The following DCHS2 variants were observed in gnomAD, a reference collection of about 807,000 sequenced individuals.
The protein encoded by DCHS2 is dachsous cadherin-related 2.
In DCHS2, 142 loss-of-function variants were observed where a neutral mutation model predicts 182.4. That is an observed-to-expected ratio of 0.78 (90% CI 0.68 to 0.89). DCHS2 has a LOEUF of 0.89. Among genes scored for constraint, DCHS2 ranks in the 40% least tolerant of loss-of-function variants. The pLI, the probability that DCHS2 is intolerant of heterozygous loss-of-function variation, is 0.00. For synonymous variants in DCHS2, 1,740 were observed against 1,663.3 expected, an observed-to-expected ratio of 1.05 and a Z score of -1.12; for missense variants, 4,319 against 4,198.6, an observed-to-expected ratio of 1.03 and a Z score of -0.79.
intron 3 of DCHS2, among the ~76,000 whole-genome samples, chr4:154,356,943 T>C (rs561669773): frequency 2.6e-5 from 4 of 152,070 alleles, no homozygotes; most frequent in Non-Finnish European, 5.9e-5. Context: ...AGGTCAGAAG[T>C]AGTTGGCTTC....
chr4:154,295,963 TTTTACTAGTGAG>T (rs1410103069), intron 13 of DCHS2, among the ~76,000 whole-genome samples: 11 of 152,338 alleles, frequency 7.2e-5, no homozygotes, highest in African/African-American at 2.6e-4. Context: ...AGTAAATACA[TTTTACTAGTGAG>T]AGTCCTCCCA....
intron 14 of DCHS2, among the ~76,000 whole-genome samples, chr4:154,265,955 T>G (rs1327799010): frequency 6.6e-6 from 1 of 152,148 alleles, no homozygotes; most frequent in Non-Finnish European, 1.5e-5. Context: ...TGCATACCTA[T>G]GATGGAGTTT....
intron 1 of DCHS2, among the ~76,000 whole-genome samples, chr4:154,460,665 G>GA (rs1294421365): frequency 5.3e-5 from 8 of 152,246 alleles, no homozygotes; most frequent in Non-Finnish European, 1.0e-4. Flanking sequence ...GTGGTTGTCA[G>GA]AAACTTGTGC....
At chr4:154,370,244 A>G (rs542826562) in intron 2 of DCHS2, among the ~76,000 whole-genome samples, 2 of 152,164 alleles carry the variant, frequency 1.3e-5, no homozygotes, top group East Asian at 3.9e-4. Context: ...GAGAGGATGA[A>G]TCAGATAAAA....
In DCHS2 at chr4:154,232,576, G is replaced by T. The variant is rs1239452600; in HGVS notation, c.*1960C>A. On this transcript the variant is annotated 3_prime_UTR_variant, in exon 20 of 20. Transcript: ENST00000357232. Reference sequence around the variant, plus strand: ...CCTGTTTAATTAAAAACAACAAAATGTTCTTAGTTTCCAGAAATAATTCTA... The same window carrying T: ...CCTGTTTAATTAAAAACAACAAAATTTTCTTAGTTTCCAGAAATAATTCTA... The T allele has an allele frequency of 6.6e-6, 1 of 152,030 alleles. No individual in the cohort carries two copies. The highest frequency in any genetic ancestry group is 1.5e-5 in the Non-Finnish European group (1 of 67,978). The allele number at this position is 152,030 out of a possible 1,614,324, so 9.4% of individuals were successfully genotyped here.
chr4:154,442,871 C>G (rs1237004635), intron 1 of DCHS2, among the ~76,000 whole-genome samples: 1 of 152,064 alleles, frequency 6.6e-6, no homozygotes, highest in African/African-American at 2.4e-5. Flanking sequence ...CATCCAGAAC[C>G]CTGGTGCCAA....
intron 7 of DCHS2, among the ~76,000 whole-genome samples, chr4:154,326,199 G>A (rs1201700714): frequency 1.3e-5 from 2 of 152,214 alleles, no homozygotes; most frequent in Non-Finnish European, 2.9e-5. Flanking sequence ...ACAACAAGGA[G>A]TCTGGGCATG....
chr4:154,234,740 C>T lies in DCHS2; in HGVS notation c.9912G>A (p.Val3304=). Residue 3304 remains valine (V), a synonymous_variant, in exon 20 of 20, where the codon GTG becomes GTA. Coordinates refer to ENST00000357232, the MANE Select transcript of DCHS2 (RefSeq NM_001358235.2). Reference sequence around the variant, plus strand: ...TGGGAGAGCGTGGGTGTTTCGGAGGCACCTGCCCCAGGTTTACTGCCGGCA... The same window carrying T: ...TGGGAGAGCGTGGGTGTTTCGGAGGTACCTGCCCCAGGTTTACTGCCGGCA... The part of the protein sequence containing the change: ...PRMPAVNLGQ[V]PPKHPRSPIP... 6.2e-7 allele frequency: 1 copy of T among 1,613,632 alleles called. No homozygotes were observed.
intron 1 of DCHS2, among the ~76,000 whole-genome samples, chr4:154,411,471 C>A (rs1312239765): frequency 6.6e-6 from 1 of 152,026 alleles, no homozygotes; most frequent in Non-Finnish European, 1.5e-5. Flanking sequence ...GTGGCGCGTG[C>A]CTGTAGTCCC....
chr4:154,395,709 G>A (rs1401026399), intron 1 of DCHS2, among the ~76,000 whole-genome samples: 2 of 152,184 alleles, frequency 1.3e-5, no homozygotes, highest in Non-Finnish European at 2.9e-5. Flanking sequence ...CCAATGCAAA[G>A]TAGCTATAAG....
Position 154,240,545 on chromosome 4 carries a change from A to G in DCHS2, c.7351T>C (p.Phe2451Leu). The change falls in exon 18 of 20, where the codon TTC becomes CTC. Residue 2451 changes from phenylalanine to leucine, a missense_variant. Phe to Leu is a conservative substitution (Grantham distance 22). Coordinates refer to ENST00000357232, the MANE Select transcript of DCHS2 (RefSeq NM_001358235.2). ...CTCTTTAAGCCCTTTACCTGATAGA[A>G]ATCTTGAGAAAACACTGGTGGATTA... is the stretch of plus-strand genomic sequence containing the variant. ...NDNPPVFSQD[F>L]YQVTVPESIP... is the part of the protein sequence containing the mutation. 1 of 1,613,284 alleles carries G rather than the reference A, an allele frequency of 6.2e-7. No homozygotes were observed. Among genetic ancestry groups the G allele is most frequent in the Non-Finnish European group, 8.5e-7 (1 of 1,179,486 alleles).
rs57893679 is a variant in DCHS2 at position 154,411,823 on chromosome 4, C to T, written c.2053-34379G>A. On this transcript the variant is annotated intron_variant, in intron 1 of 19. Coordinates refer to ENST00000357232, the MANE Select transcript of DCHS2 (RefSeq NM_001358235.2). ...ATACAGTATATGTATCATATAACAT[C>T]ATGCTGTACACCTTACATATACAAA... Among the ~76,000 whole-genome samples, 8 of 152,256 alleles carry T rather than the reference C, an allele frequency of 5.3e-5. No individual in the cohort carries two copies. In the East Asian group the frequency reaches 1.5e-3, roughly 29 times the overall value.
intron 1 of DCHS2, among the ~76,000 whole-genome samples, chr4:154,479,877 T>C (rs1735852974): frequency 6.6e-6 from 1 of 152,156 alleles, no homozygotes; most frequent in East Asian, 1.9e-4. Flanking sequence ...GCATGACAAT[T>C]AGATTCTACA....
At chr4:154,457,474 G>T (rs184376607) in intron 1 of DCHS2, among the ~76,000 whole-genome samples, 1 of 152,232 alleles carries the variant, frequency 6.6e-6, no homozygotes, top group East Asian at 1.9e-4. Context: ...CATCACTATG[G>T]CCTTAATGCT....
chr4:154,291,943 TAA>T (rs1357343550), intron 13 of DCHS2, among the ~76,000 whole-genome samples: 1 of 152,118 alleles, frequency 6.6e-6, no homozygotes, highest in African/African-American at 2.4e-5. Flanking sequence ...TAAAATTAGC[TAA>T]GAGTATAACT....
At chr4:154,457,949 G>A (rs1281485601) in intron 1 of DCHS2, among the ~76,000 whole-genome samples, 1 of 152,178 alleles carries the variant, frequency 6.6e-6, no homozygotes. Flanking sequence ...AATTACATCA[G>A]TATGCCCTCT....
rs1312988755 is a variant in DCHS2, at chr4:154,277,893, T to A, written c.6464-7880A>T. On this transcript the variant is annotated intron_variant, in intron 13 of 19. Coordinates refer to ENST00000357232, the MANE Select transcript of DCHS2 (RefSeq NM_001358235.2). ...CTGTCTCTACCAAAAATAAAAAAAT[T>A]AGCTGGGCATGGTGGCGGGCACCTG... 2.0e-5 allele frequency among the ~76,000 whole-genome samples: 3 copies of A among 151,796 alleles called. No homozygotes were observed. In the East Asian group the frequency reaches 5.8e-4, roughly 29 times the overall value.
At chr4:154,388,369 A>C (rs1731511755) in intron 1 of DCHS2, among the ~76,000 whole-genome samples, 1 of 152,178 alleles carries the variant, frequency 6.6e-6, no homozygotes, top group Non-Finnish European at 1.5e-5. Flanking sequence ...TTATGCAAAA[A>C]AATTCAGTGT....
chr4:154,333,399 G>T lies in DCHS2; in HGVS notation c.2809C>A (p.Pro937Thr), dbSNP rs1163870791. 6.2e-7 allele frequency: 1 copy of T among 1,614,012 alleles called. No individual in the cohort carries two copies. The highest frequency in any genetic ancestry group is 8.5e-7 in the Non-Finnish European group (1 of 1,180,056). ...ACGGGCTGCGTCTCGTGATCCAGGG[G>T]CTTCCGGGTGCGAATAGTGCCCAGC... ...PRLGTIRTRK[P>T]LDHETQPVVV... The change falls in exon 5 of 20, where the codon CCC becomes ACC. Residue 937 changes from proline to threonine, a missense_variant. Physicochemically the swap from Pro to Thr is conservative, Grantham distance 38 (BLOSUM62 -1). Coordinates refer to ENST00000357232, the MANE Select transcript of DCHS2 (RefSeq NM_001358235.2).
Sources: allele counts gnomAD v4.1 joint callset (sites outside exome capture counted in the v4.1 genomes callset), GRCh38; gene constraint gnomAD v4.1.1; transcripts MANE v1.5; gene names NCBI Gene and HGNC (gene_info 2026-07-23, HGNC 2026-07-21).